Variants in SIRT2 observed in about 807,000 individuals in gnomAD.
SIRT2 encodes sirtuin 2, also known as NAD-dependent protein deacetylase sirtuin-2.
SIRT2 carries 40 observed loss-of-function variants against 57.4 expected under a neutral mutation model. That is an observed-to-expected ratio of 0.70 (90% CI 0.54 to 0.91). The LOEUF (loss-of-function observed/expected upper bound fraction) is 0.91. SIRT2 is among the 40% of genes least tolerant of loss of function. SIRT2 has a pLI of 0.00. For synonymous variants in SIRT2, 161 were observed against 195.7 expected (o/e 0.82, Z 1.48); for missense variants, 439 against 510.4 (o/e 0.86, Z 1.35).
At chr19:38,893,732 A>T in intron 3 of SIRT2, 87 bp downstream of exon 3, 1 of 1,493,290 alleles carries the variant, frequency 6.7e-7, no homozygotes, top group Non-Finnish European at 9.3e-7. Flanking sequence ...CTCCTGATGG[A>T]GTTGAGGAGG....
intron 2 of SIRT2, among the ~76,000 whole-genome samples, chr19:38,897,785 C>T (rs1255823857): frequency 6.6e-6 from 1 of 151,752 alleles, no homozygotes; most frequent in Non-Finnish European, 1.5e-5. Flanking sequence ...CTCAGCCTCC[C>T]AAAGTACTGG....
intron 6 of SIRT2, 31 bp from the exon 7 acceptor site, chr19:38,889,776 C>A (rs1195724753): frequency 1.2e-6 from 2 of 1,613,932 alleles, no homozygotes; most frequent in Non-Finnish European, 1.7e-6. Context: ...GGGCCAGATG[C>A]CCCAGGTAGC....
chr19:38,899,440 CG>C, intron 1 of SIRT2, 65 bp downstream of exon 1: 2 of 1,593,594 alleles, frequency 1.3e-6, no homozygotes, highest in African/African-American at 2.7e-5. Flanking sequence ...CCTTGGGCCC[CG>C]GGGCCTGCAG....
At chr19:38,888,497 G>A (rs1183265239) in intron 8 of SIRT2, among the ~76,000 whole-genome samples, 2 of 152,180 alleles carry the variant, frequency 1.3e-5, no homozygotes, top group Non-Finnish European at 2.9e-5. Context: ...ACTGTTAGGG[G>A]TGTGAGACTC....
chr19:38,881,071 G>T (rs780236940), intron 11 of SIRT2, 29 bp downstream of exon 11: 5 of 1,609,512 alleles, frequency 3.1e-6, no homozygotes. Flanking sequence ...CGGCGGTTGG[G>T]GATGCGGGGA....
chr19:38,879,363 G>C, intron 15 of SIRT2, 53 bp from the exon 16 acceptor site: 1 of 1,605,574 alleles, frequency 6.2e-7, no homozygotes, highest in Non-Finnish European at 8.5e-7. Flanking sequence ...CATGGGGTCA[G>C]AGGACCCATG....
At chr19:38,881,565 C>T in intron 9 of SIRT2, 74 bp from the exon 10 acceptor site, 1 of 1,199,922 alleles carries the variant, frequency 8.3e-7, no homozygotes, top group South Asian at 1.3e-5. Context: ...GCAGCACCCC[C>T]ACCCCTCTTC....
rs146760070 is a variant in SIRT2 at position 38,890,142 on chromosome 19, G to A, written c.229C>T (p.Arg77Cys). 3.7e-5 allele frequency: 59 copies of A among 1,614,034 alleles called. No individual in the cohort carries two copies. The highest frequency in any genetic ancestry group is 3.9e-5 in the Non-Finnish European group (46 of 1,180,016). ...VARYMQSERC[R>C]RVICLVGAGI... ...GCTCCCACCAAACAGATGACTCTGCGACCTGGAGGAGAGGAACTTATGCAC... is the reference window on the plus strand; with the variant it reads ...GCTCCCACCAAACAGATGACTCTGCAACCTGGAGGAGAGGAACTTATGCAC... The change falls in exon 5 of 16, where the codon CGC becomes TGC. Residue 77 changes from arginine (R) to cysteine (C), a missense_variant and splice_region_variant. Transcript: ENST00000249396.
intron 7 of SIRT2, 74 bp downstream of exon 7, chr19:38,889,615 G>A (rs1973457892): frequency 1.3e-6 from 2 of 1,533,556 alleles, no homozygotes; most frequent in African/African-American, 2.7e-5. Context: ...TGTCTGCAGG[G>A]CCTTGGCGGG....
Position 38,881,463 on chromosome 19 carries a change from C to T in SIRT2, c.660G>A (p.Lys220=), listed in dbSNP as rs1973152331. The change falls in exon 10 of 16, where the codon AAG becomes AAA. Residue 220 remains lysine, a synonymous_variant. Coordinates refer to ENST00000249396, the MANE Select transcript of SIRT2 (RefSeq NM_012237.4). ...TCACCAGGCTCTGACAGTCTTCACA[C>T]TTGGGCGTCACCTCAGAGAAGATCT... is the stretch of plus-strand genomic sequence containing the variant. The part of the protein sequence containing the change: ...KEKIFSEVTP[K]CEDCQSLVKP... The T allele has an allele frequency of 6.2e-7, 1 of 1,614,056 alleles. No homozygotes were observed. The highest frequency in any genetic ancestry group is 8.5e-7 in the Non-Finnish European group (1 of 1,180,010).
intron 4 of SIRT2, among the ~76,000 whole-genome samples, chr19:38,892,461 A>T (rs189109030): frequency 3.8e-4 from 58 of 152,110 alleles, no homozygotes; most frequent in African/African-American, 1.4e-3. Context: ...CCTATCCACC[A>T]CATCTGAAAT....
rs1973123896 is a variant in SIRT2 at position 38,880,779 on chromosome 19, C to T, written c.824+42G>A. On this transcript the variant is annotated intron_variant, in intron 12 of 15. Transcript: ENST00000249396. This position sits in a 1 kb window ranked among gnomAD's most constrained non-coding sequence, Gnocchi z 4.1. ...TAAGGGGTCAGGGTCTGTCCTGGCC[C>T]TGGGTGCCCAGCCGTCCTCCCAGCC... 6.2e-7 allele frequency: 1 copy of T among 1,612,458 alleles called. No individual in the cohort carries two copies. The highest frequency in any genetic ancestry group is 2.2e-5 in the East Asian group (1 of 44,876).
At chr19:38,885,145 G>A (rs570891986) in intron 8 of SIRT2, among the ~76,000 whole-genome samples, 7 of 151,998 alleles carry the variant, frequency 4.6e-5, no homozygotes, top group African/African-American at 1.7e-4. Context: ...GAGTGTAGTG[G>A]TCTGATCACA....
Position 38,893,998 on chromosome 19 carries a change from A to T in SIRT2, c.64-131T>A, listed in dbSNP as rs778769580. 2.0e-6 allele frequency: 3 copies of T among 1,525,326 alleles called. No homozygotes were observed. In the African/African-American group the frequency reaches 4.1e-5, roughly 21 times the overall value. 94.5% of individuals were successfully genotyped at this position (1,525,326 alleles called of 1,614,324 possible). ...TGAGGAAGTGCGGGGTGGTGGAGAGACTGCACTGGGGCTAGCTCCAGGGCT... is the reference window on the plus strand; with the variant it reads ...TGAGGAAGTGCGGGGTGGTGGAGAGTCTGCACTGGGGCTAGCTCCAGGGCT... On this transcript the variant is annotated intron_variant, in intron 2 of 15. Transcript: ENST00000249396.
At chr19:38,891,666 TC>T (rs1272499044) in intron 4 of SIRT2, 1 of 330,412 alleles carries the variant, frequency 3.0e-6, no homozygotes, top group African/African-American at 2.2e-5. Flanking sequence ...CCTACTGGCC[TC>T]AAGCGATCCT....
Position 38,889,848 on chromosome 19 carries a change from C to G in SIRT2, c.375+7G>C, listed in dbSNP as rs759138961. 1 of 1,613,660 alleles carries G rather than the reference C, an allele frequency of 6.2e-7. No individual in the cohort carries two copies. The highest frequency in any genetic ancestry group is 8.5e-7 in the Non-Finnish European group (1 of 1,179,612). ...TCACAGACGCCCCTTCCTGGGGGAG[C>G]ACAAACCTTGAAATAGCTGATCTCA... On this transcript the variant is annotated splice_region_variant and intron_variant, in intron 6 of 15. Coordinates refer to ENST00000249396, the MANE Select transcript of SIRT2 (RefSeq NM_012237.4).
chr19:38,899,235 T>C (rs886609975), intron 1 of SIRT2, among the ~76,000 whole-genome samples: 2 of 152,114 alleles, frequency 1.3e-5, no homozygotes, highest in African/African-American at 4.8e-5. Context: ...TTATGTTCTT[T>C]GCAGCGAGGG....
intron 8 of SIRT2, among the ~76,000 whole-genome samples, chr19:38,886,379 T>TAAGCAAATA (rs1973337449): frequency 6.6e-6 from 1 of 152,066 alleles, no homozygotes; most frequent in African/African-American, 2.4e-5. Context: ...AACTGAACAG[T>TAAGCAAATA]AAGCAAATAA....
In SIRT2 at chr19:38,879,669, C is replaced by A. The variant is rs201892883; in HGVS notation, c.910G>T (p.Gly304Ter). The change falls in exon 14 of 16, where the codon GGA becomes TGA. Residue 304 changes from glycine (G) to a stop codon, truncating the protein, a stop_gained. Transcript: ENST00000249396. LOFTEE classifies it high-confidence loss of function. The stretch of plus-strand genomic sequence containing the variant: ...TTGGAGTCAAAGTCCATGCCTCCTC[C>A]GAGGCCCATAATCATCCCCAGGAAA... ...DPFLGMIMGL[G>*]GGMDFDSKKA... 2.5e-6 allele frequency: 4 copies of A among 1,573,836 alleles called. No homozygotes were observed. Among genetic ancestry groups the A allele is most frequent in the Non-Finnish European group, 3.5e-6 (4 of 1,159,352 alleles).
Sources: allele counts gnomAD v4.1 joint callset (sites outside exome capture counted in the v4.1 genomes callset), GRCh38; gene constraint gnomAD v4.1.1; non-coding constraint Gnocchi (gnomAD v3.1); transcripts MANE v1.5; gene names NCBI Gene and HGNC (gene_info 2026-07-23, HGNC 2026-07-21).